TECTA: variants seen among roughly 807,000 people sequenced by gnomAD.
The protein encoded by TECTA is alpha-tectorin.
In TECTA, 128 loss-of-function variants were observed where a neutral mutation model predicts 216.8. That is an observed-to-expected ratio of 0.59 (90% confidence interval 0.51 to 0.68). The LOEUF (loss-of-function observed/expected upper bound fraction) is 0.68, where lower values mean the gene tolerates loss of function less well. Among genes scored for constraint, TECTA ranks in the 30% least tolerant of loss-of-function variants. TECTA has a pLI of 0.00. For synonymous variants in TECTA, 1,089 were observed against 1,117.1 expected (o/e 0.97, Z 0.50); for missense variants, 2,551 against 2,786.2 (o/e 0.92, Z 1.90).
chr11:121,158,124 A>G lies in TECTA; in HGVS notation c.4589A>G (p.Asn1530Ser), dbSNP rs1258881371. The change falls in exon 14 of 24, where the codon AAC (asparagine) becomes AGC (serine). Residue 1530 changes from asparagine to serine, a missense_variant. Coordinates refer to ENST00000392793, the MANE Select transcript of TECTA (RefSeq NM_005422.4). ...LPDISFQLII[N>S]FDKWSAPNLT... Reference sequence around the variant, plus strand: ...GACATCTCCTTCCAGCTTATCATCAACTTCGACAAGTGGTCGGCCCCCAAC... The same window carrying G: ...GACATCTCCTTCCAGCTTATCATCAGCTTCGACAAGTGGTCGGCCCCCAAC... 22 of 1,614,030 alleles carry G rather than the reference A, an allele frequency of 1.4e-5. No individual in the cohort carries two copies. Among genetic ancestry groups the G allele is most frequent in the East Asian group, 1.1e-4 (5 of 44,898 alleles).
intron 18 of TECTA, among the ~76,000 whole-genome samples, chr11:121,167,751 G>T (rs1368184052): frequency 1.3e-5 from 2 of 152,230 alleles, no homozygotes; most frequent in Non-Finnish European, 2.9e-5. Flanking sequence ...AATAGTTCAT[G>T]CTATTCCTAG....
intron 7 of TECTA, among the ~76,000 whole-genome samples, chr11:121,121,778 T>C (rs1473279659): frequency 6.6e-6 from 1 of 152,150 alleles, no homozygotes; most frequent in Non-Finnish European, 1.5e-5. Context: ...CTTTGTCCCT[T>C]GCTAGCAGGA....
At chr11:121,161,094 C>T (rs1946994236) in intron 15 of TECTA, among the ~76,000 whole-genome samples, 1 of 152,198 alleles carries the variant, frequency 6.6e-6, no homozygotes, top group Admixed American at 6.5e-5. Context: ...CATTGCTTTA[C>T]AGCTAAATAT....
At chr11:121,152,686 T>G (rs370722860) in intron 12 of TECTA, among the ~76,000 whole-genome samples, 195 bp from the exon 13 acceptor site, 19 of 152,138 alleles carry the variant, frequency 1.2e-4, no homozygotes, top group African/African-American at 4.1e-4. Flanking sequence ...TGTTGGCCCT[T>G]TATTTAAGCA....
intron 12 of TECTA, among the ~76,000 whole-genome samples, chr11:121,152,560 C>G (rs1946900709): frequency 6.6e-6 from 1 of 152,172 alleles, no homozygotes; most frequent in African/African-American, 2.4e-5. Flanking sequence ...GGTGACATGT[C>G]TAACTGGAGA....
At chr11:121,150,523 A>G (rs930466654) in intron 12 of TECTA, among the ~76,000 whole-genome samples, 1 of 152,226 alleles carries the variant, frequency 6.6e-6, no homozygotes, top group South Asian at 2.1e-4. Flanking sequence ...ACATCTTTAC[A>G]TGGCAAAGAG....
chr11:121,108,391 C>T (rs564482761), intron 3 of TECTA, among the ~76,000 whole-genome samples: 6 of 151,186 alleles, frequency 4.0e-5, no homozygotes, highest in Non-Finnish European at 8.8e-5. Flanking sequence ...CCAGTATACA[C>T]ACACATACAC....
chr11:121,162,377 G>A lies in TECTA; in HGVS notation c.5272+7G>A. 1 of 1,611,716 alleles carries A rather than the reference G, an allele frequency of 6.2e-7. No homozygotes were observed. ...ATTGAGAAGGAGAATTGCTGTAAGA[G>A]AATTATTTTATTTCTGTGAATTCCA... On this transcript the variant is annotated splice_region_variant and intron_variant, in intron 16 of 23. Transcript: ENST00000392793.
At chr11:121,145,521 A>G (rs771461792) in intron 11 of TECTA, 34 bp from the exon 12 acceptor site, 1 of 1,610,316 alleles carries the variant, frequency 6.2e-7, no homozygotes, top group Non-Finnish European at 8.5e-7. Context: ...CTCTGGGCCA[A>G]CTGTGTTTCT....
At chr11:121,124,131 A>G (rs755517568) in intron 7 of TECTA, among the ~76,000 whole-genome samples, 1 of 152,218 alleles carries the variant, frequency 6.6e-6, no homozygotes, top group Non-Finnish European at 1.5e-5. Context: ...CTCATCTGAC[A>G]TGAGTTTTAC....
chr11:121,121,317 C>G (rs894325372), intron 7 of TECTA, among the ~76,000 whole-genome samples: 1 of 152,198 alleles, frequency 6.6e-6, no homozygotes, highest in African/African-American at 2.4e-5. Flanking sequence ...CCACTTCTCT[C>G]CTCCTCCCCC....
chr11:121,168,537 G>T, intron 19 of TECTA, 140 bp from the exon 20 acceptor site: 6 of 1,243,730 alleles, frequency 4.8e-6, no homozygotes, highest in Non-Finnish European at 7.0e-6. Context: ...TGGCTAGCAG[G>T]TACTGTATTG....
Position 121,125,374 on chromosome 11 carries a change from T to C in TECTA, c.1276T>C (p.Ser426Pro), listed in dbSNP as rs766799690. ...AGTGAAAATCTACCAGAGTGGCATA[T>C]CTACTGCCGTGGAAACAGATTTTGG... Reference protein sequence around the residue: ...GTVKIYQSGISTAVETDFGLL... With the variant: ...GTVKIYQSGIPTAVETDFGLL... The change falls in exon 8 of 24, where the codon TCT becomes CCT. Residue 426 changes from serine to proline, a missense_variant. Physicochemically the swap from Ser to Pro is moderately conservative, Grantham distance 74 (BLOSUM62 -1). Transcript: ENST00000392793. The C allele has an allele frequency of 3.7e-6, 6 of 1,614,110 alleles. 1 individual carries two copies. The South Asian group carries it at 4.4e-5, about 12-fold the overall frequency.
chr11:121,171,179 G>A (rs1947108340), intron 20 of TECTA, among the ~76,000 whole-genome samples: 1 of 152,106 alleles, frequency 6.6e-6, no homozygotes, highest in African/African-American at 2.4e-5. Flanking sequence ...AGTTTTTGAA[G>A]AGAGCATCCT....
chr11:121,104,353 C>T (rs1329711030), intron 2 of TECTA, among the ~76,000 whole-genome samples: 1 of 152,106 alleles, frequency 6.6e-6, no homozygotes, highest in Admixed American at 6.5e-5. Context: ...TTAAATACAG[C>T]TCATGGGCCC....
At chr11:121,108,502 C>G (rs1248108496) in intron 3 of TECTA, among the ~76,000 whole-genome samples, 1 of 150,440 alleles carries the variant, frequency 6.6e-6, no homozygotes, top group African/African-American at 2.5e-5. Context: ...TATGCACACA[C>G]TGCCCACCCC....
At chr11:121,189,011 G>GA in intron 21 of TECTA, 69 bp from the exon 22 acceptor site, 21 of 1,535,868 alleles carry the variant, frequency 1.4e-5, no homozygotes, top group Non-Finnish European at 1.9e-5. Flanking sequence ...TTTTAGAGGT[G>GA]AAACATGGTG....
Position 121,113,401 on chromosome 11 carries a change from T to C in TECTA, c.625-152T>C. The C allele has an allele frequency of 2.9e-6, 4 of 1,397,392 alleles. No individual in the cohort carries two copies. The highest frequency in any genetic ancestry group is 4.0e-6 in the Non-Finnish European group (4 of 995,926). The allele number at this position is 1,397,392 out of a possible 1,614,324, so 86.6% of individuals were successfully genotyped here. A position where few individuals can be genotyped will look rare whatever the true frequency, so the allele number is the denominator to read the frequency against. On this transcript the variant is annotated intron_variant, in intron 5 of 23. Transcript: ENST00000392793. The surrounding 1 kb of genome is among the most constrained non-coding windows in gnomAD (Gnocchi z 4.2). ...CTCGGCTATGAAATGAACTAGGCAG[T>C]CCTTTCTCACCTAGAATGCTGGCCC...
At chr11:121,188,145 A>G in intron 21 of TECTA, 151 bp downstream of exon 21, 1 of 768,950 alleles carries the variant, frequency 1.3e-6, no homozygotes, top group South Asian at 1.7e-5. Flanking sequence ...GTGAGAGAAA[A>G]CGCAGGGAAA....
Sources: allele counts gnomAD v4.1 joint callset (sites outside exome capture counted in the v4.1 genomes callset), GRCh38; gene constraint gnomAD v4.1.1; non-coding constraint Gnocchi (gnomAD v3.1); transcripts MANE v1.5; gene names NCBI Gene and HGNC (gene_info 2026-07-23, HGNC 2026-07-21).